SPATA6L: variants seen among roughly 807,000 people sequenced by gnomAD.
SPATA6L encodes spermatogenesis associated 6-like protein.
SPATA6L carries 68 observed loss-of-function variants against 49.2 expected under a neutral mutation model. The ratio of observed to expected loss-of-function variants is 1.38; its 90% confidence interval spans 1.14 to 1.69. The LOEUF (loss-of-function observed/expected upper bound fraction) is 1.69. SPATA6L is among the 40% of genes most tolerant of loss of function. The pLI is 0.00. For synonymous variants in SPATA6L, 198 were observed against 165.7 expected (o/e 1.19, Z -1.50); for missense variants, 668 against 464.3 (o/e 1.44, Z -4.03).
At chr9:4,603,745 G>A (rs906278079) in intron 11 of SPATA6L, among the ~76,000 whole-genome samples, 4 of 152,162 alleles carry the variant, frequency 2.6e-5, no homozygotes, top group African/African-American at 7.2e-5. Flanking sequence ...AAAATGCTGT[G>A]TACTAAAGGG....
rs1290893031 is a variant in SPATA6L, at chr9:4,622,615, T to C, written c.670-105A>G. On this transcript the variant is annotated intron_variant, in intron 6 of 11. Transcript: ENST00000682582. ...CCCCCTCAATCACTGATTACACGGG[T>C]TGGAAAAAGAAGGCTGGAAAACCAC... 4 of 776,142 alleles carry C rather than the reference T, an allele frequency of 5.2e-6. No homozygotes were observed. In the East Asian group the frequency reaches 7.7e-5, roughly 15 times the overall value. The allele number at this position is 776,142 out of a possible 1,614,324, so 48.1% of individuals were successfully genotyped here.
At chr9:4,594,939 A>T (rs981236935), downstream of SPATA6L, among the ~76,000 whole-genome samples, 1 of 152,156 alleles carries the variant, frequency 6.6e-6, no homozygotes, top group Non-Finnish European at 1.5e-5. Context: ...CTTGACCCCT[A>T]GTAATTCTAA....
rs1838093946 is a variant in SPATA6L, at chr9:4,656,045, CA to C, written c.221del (p.Leu74TrpfsTer24). 6.2e-7 allele frequency: 1 copy of C among 1,611,848 alleles called. No individual in the cohort carries two copies. The highest frequency in any genetic ancestry group is 8.5e-7 in the Non-Finnish European group (1 of 1,178,882). ...AVDPGAVVDL[L>X]EMWDELAYYE... is the part of the protein sequence containing the mutation. ...TTTGTTTTTCAGAGTACCTACTTTC[CA>C]AAAGGTCTACTACAGCTCCAGGATC... On this transcript the variant is annotated frameshift_variant, in exon 3 of 12. Transcript: ENST00000682582. LOFTEE classifies it high-confidence loss of function.
At chr9:4,650,702 C>G (rs1836620014) in intron 3 of SPATA6L, among the ~76,000 whole-genome samples, 1 of 152,140 alleles carries the variant, frequency 6.6e-6, no homozygotes, top group Non-Finnish European at 1.5e-5. Flanking sequence ...CTCTGTCGCC[C>G]AGGCTAGAGT....
In SPATA6L at chr9:4,625,545, T is replaced by C. The variant is rs543417685; in HGVS notation, c.451A>G (p.Arg151Gly). 6.4e-7 allele frequency: 1 copy of C among 1,559,794 alleles called. No homozygotes were observed. Among genetic ancestry groups the C allele is most frequent in the Non-Finnish European group, 8.6e-7 (1 of 1,156,912 alleles). The stretch of plus-strand genomic sequence containing the variant: ...GGTTCATGTGATGTAGATAAAGGCC[T>C]CCGTGACTCATGTCTTTCTTCCTGA... The part of the protein sequence containing the change: ...RFLEERHESR[R>G]PLSTSHEPIF... Residue 151 changes from arginine (R) to glycine (G), a missense_variant, in exon 6 of 12, where the codon AGG (arginine) becomes GGG (glycine). Transcript: ENST00000682582.
intron 9 of SPATA6L, among the ~76,000 whole-genome samples, chr9:4,609,837 G>A (rs943059213): frequency 2.0e-5 from 3 of 150,496 alleles, no homozygotes; most frequent in Admixed American, 6.7e-5. Flanking sequence ...ATTCAATTGG[G>A]AAAAGAAGAA....
At chr9:4,643,501 G>T (rs1337014609) in intron 3 of SPATA6L, among the ~76,000 whole-genome samples, 2 of 151,994 alleles carry the variant, frequency 1.3e-5, no homozygotes, top group African/African-American at 4.8e-5. Flanking sequence ...TTATAAAAAT[G>T]TGGAAAAAAA....
chr9:4,666,164 T>C, intron 1 of SPATA6L, 48 bp downstream of exon 1: 2 of 1,602,258 alleles, frequency 1.2e-6, no homozygotes, highest in Non-Finnish European at 1.7e-6. Flanking sequence ...CTGAGACTAT[T>C]TAGAGTCCGA....
chr9:4,623,008 A>ATG (rs1829680383), intron 6 of SPATA6L, among the ~76,000 whole-genome samples: 2 of 152,140 alleles, frequency 1.3e-5, no homozygotes, highest in Admixed American at 6.6e-5. Flanking sequence ...GGCCGGGTAC[A>ATG]GTGGCTCACA....
rs768402158 is a variant in SPATA6L, at chr9:4,600,737, T to A, written c.*74A>T. ...AACACAGACAACAAAAAGTGTTCAT[T>A]TCTTTAAGGATGCTTCAATTGTCTC... On this transcript the variant is annotated 3_prime_UTR_variant, in exon 12 of 12. Transcript: ENST00000682582. The A allele has an allele frequency of 6.6e-6, 1 of 152,234 alleles. No individual in the cohort carries two copies. Among genetic ancestry groups the A allele is most frequent in the South Asian group, 2.1e-4 (1 of 4,836 alleles). 9.4% of individuals were successfully genotyped at this position (152,234 alleles called of 1,614,324 possible).
At chr9:4,650,531 G>A (rs1370394910) in intron 3 of SPATA6L, among the ~76,000 whole-genome samples, 1 of 152,074 alleles carries the variant, frequency 6.6e-6, no homozygotes, top group Admixed American at 6.6e-5. Context: ...CTAAAAGTTG[G>A]TTGTTTAAAA....
chr9:4,606,227 C>T (rs1187470514), intron 9 of SPATA6L, among the ~76,000 whole-genome samples: 56 of 147,884 alleles, frequency 3.8e-4, no homozygotes, highest in African/African-American at 1.1e-3. Context: ...GGGGGAGGGG[C>T]GCCCGCCATT....
At chr9:4,648,724 A>AAATAAATAAAT (rs769508422) in intron 3 of SPATA6L, among the ~76,000 whole-genome samples, 40,766 of 148,882 alleles carry the variant, frequency 0.27, 6,023 homozygotes, top group South Asian at 0.33. Flanking sequence ...TTAAATAAAT[A>AAATAAATAAAT]AATACATAAG....
At chr9:4,658,896 C>G (rs1838929231) in intron 2 of SPATA6L, among the ~76,000 whole-genome samples, 1 of 150,592 alleles carries the variant, frequency 6.6e-6, no homozygotes, top group African/African-American at 2.5e-5. Context: ...GGTGCAGTGC[C>G]CCAAGGTCTT....
At chr9:4,601,931 G>C (rs540495373) in intron 11 of SPATA6L, among the ~76,000 whole-genome samples, 1 of 152,262 alleles carries the variant, frequency 6.6e-6, no homozygotes, top group African/African-American at 2.4e-5. Context: ...CTTAAGACTA[G>C]CCAGAGTCAC....
chr9:4,601,262 G>T (rs1042585004), intron 11 of SPATA6L, among the ~76,000 whole-genome samples: 2 of 151,320 alleles, frequency 1.3e-5, no homozygotes, highest in Non-Finnish European at 2.9e-5. Context: ...TCTTTTTGAT[G>T]GAGTCTTGCT....
chr9:4,612,389 T>C (rs770668318), intron 9 of SPATA6L, among the ~76,000 whole-genome samples: 3 of 152,070 alleles, frequency 2.0e-5, no homozygotes, highest in Non-Finnish European at 4.4e-5. Context: ...TCCCCAAACA[T>C]AGAGCATTTT....
chr9:4,618,940 C>T (rs752715177), intron 7 of SPATA6L, 42 bp from the exon 8 acceptor site: 1 of 1,589,158 alleles, frequency 6.3e-7, no homozygotes, highest in Non-Finnish European at 8.6e-7. Flanking sequence ...CTCATTATTA[C>T]CATTTAGCCT....
intron 6 of SPATA6L, among the ~76,000 whole-genome samples, chr9:4,624,846 C>A (rs1253937727): frequency 6.6e-6 from 1 of 151,916 alleles, no homozygotes; most frequent in Non-Finnish European, 1.5e-5. Context: ...GAGTATCGCA[C>A]AACATTGCTT....
Sources: allele counts gnomAD v4.1 joint callset (sites outside exome capture counted in the v4.1 genomes callset), GRCh38; gene constraint gnomAD v4.1.1; transcripts MANE v1.5; gene names NCBI Gene and HGNC (gene_info 2026-07-23, HGNC 2026-07-21).